Variants in ASXL1 observed in about 807,000 individuals in gnomAD.
ASXL1 encodes the protein ASXL transcriptional regulator 1, also known as polycomb group protein ASXL1.
In ASXL1, 65 loss-of-function variants were observed where a neutral mutation model predicts 89.1. The ratio of observed to expected loss-of-function variants is 0.73; its 90% confidence interval spans 0.60 to 0.90. ASXL1 has a LOEUF of 0.90. Ranked by LOEUF, ASXL1 falls within the 40% of genes least tolerant of loss-of-function variation. The pLI is 0.00. For synonymous variants in ASXL1, 739 were observed against 746.9 expected (o/e 0.99, Z 0.17); for missense variants, 1,786 against 1,942.9 (o/e 0.92, Z 1.52).
rs557903838 is a variant in ASXL1 at position 32,383,878 on chromosome 20, G to T, written c.252+14755G>T. Among the ~76,000 whole-genome samples the T allele has an allele frequency of 2.6e-5, 4 of 152,144 alleles. No individual in the cohort carries two copies. In the East Asian group the frequency reaches 5.8e-4, roughly 22 times the overall value. On this transcript the variant is annotated intron_variant, in intron 4 of 12. Coordinates refer to ENST00000375687, the MANE Select transcript of ASXL1 (RefSeq NM_015338.6). ...TGAGGGCTCAGTTTCTCCATCTCTC[G>T]TGGGCTCCACCATCACTGTCTGACA...
At position 32,429,305 on chromosome 20, in the gene ASXL1, T is replaced by C. The variant is rs769401947; in HGVS notation, c.472-33T>C. 6.2e-7 allele frequency: 1 copy of C among 1,605,772 alleles called. No homozygotes were observed. Among genetic ancestry groups the C allele is most frequent in the South Asian group, 1.1e-5 (1 of 90,604 alleles). On this transcript the variant is annotated intron_variant, in intron 6 of 12. Transcript: ENST00000375687. The surrounding 1 kb of genome is among the most constrained non-coding windows in gnomAD (Gnocchi z 4.9). ...ATGCTTTTGTGGCTCTGCAGTTGACTTGGGCTCTCTTTTGTTCTCTCTTGG... is the reference window on the plus strand; with the variant it reads ...ATGCTTTTGTGGCTCTGCAGTTGACCTGGGCTCTCTTTTGTTCTCTCTTGG...
In ASXL1 at chr20:32,399,745, C is replaced by CTATTTTTTTTTTTTTTTTTTTTTT. The variant is rs1600525633; in HGVS notation, c.253-28382_253-28381insATTTTTTTTTTTTTTTTTTTTTTT. Among the ~76,000 whole-genome samples, 6 of 66,614 alleles carry CTATTTTTTTTTTTTTTTTTTTTTT rather than the reference C, an allele frequency of 9.0e-5. 2 individuals carry two copies. The highest frequency in any genetic ancestry group is 8.9e-5 in the Non-Finnish European group (3 of 33,826). The allele number at this position is 66,614 out of a possible 152,430, so 43.7% of individuals were successfully genotyped here. ...ATTTTTAAAAATCTCACATATTTTA[C>CTATTTTTTTTTTTTTTTTTTTTTT]TCTTTTTTTTTTTTTTTTTTTTTTT... On this transcript the variant is annotated intron_variant, in intron 4 of 12. Transcript: ENST00000375687.
intron 4 of ASXL1, among the ~76,000 whole-genome samples, chr20:32,408,354 C>A (rs978732310): frequency 1.3e-5 from 2 of 152,066 alleles, no homozygotes; most frequent in Non-Finnish European, 2.9e-5. Context: ...AGCTTTGGTG[C>A]CTTTGTCAAA....
chr20:32,428,520 G>C (rs2011403223), intron 6 of ASXL1, 98 bp downstream of exon 6: 1 of 1,185,222 alleles, frequency 8.4e-7, no homozygotes, highest in Non-Finnish European at 1.3e-6. Context: ...CATGTTCAGA[G>C]AGTGAAGAAT....
chr20:32,389,394 A>C (rs988091501), intron 4 of ASXL1, among the ~76,000 whole-genome samples: 4 of 152,100 alleles, frequency 2.6e-5, no homozygotes, highest in Non-Finnish European at 5.9e-5. Context: ...TCTTGCTGTA[A>C]CAAACAGCTG....
Position 32,434,769 on chromosome 20 carries a change from AGT to A in ASXL1, c.2060_2061del (p.Cys687TyrfsTer30), listed in dbSNP as rs780146542. ...AGGGGAGGCCCGAGCACCCCTGGAA[AGT>A]GTACGTCAGATCTACAGCGAACACA... On this transcript the variant is annotated frameshift_variant, in exon 13 of 13. Coordinates refer to ENST00000375687, the MANE Select transcript of ASXL1 (RefSeq NM_015338.6). LOFTEE classifies it low-confidence loss of function (END_TRUNC). 7 of 1,613,674 alleles carry A rather than the reference AGT, an allele frequency of 4.3e-6. No individual in the cohort carries two copies. Among genetic ancestry groups the A allele is most frequent in the Non-Finnish European group, 5.1e-6 (6 of 1,180,012 alleles).
intron 4 of ASXL1, among the ~76,000 whole-genome samples, chr20:32,426,551 T>TTTTTTTTTA (rs2011302589): frequency 9.2e-6 from 1 of 108,998 alleles, no homozygotes; most frequent in Non-Finnish European, 2.0e-5. Flanking sequence ...CTTTTTTTTC[T>TTTTTTTTTA]TTCTTTTTTT....
intron 4 of ASXL1, among the ~76,000 whole-genome samples, chr20:32,407,091 C>T (rs2048967946): frequency 6.6e-6 from 1 of 152,100 alleles, no homozygotes; most frequent in Non-Finnish European, 1.5e-5. Flanking sequence ...CATGTAATCC[C>T]AGCACTTTGG....
intron 4 of ASXL1, among the ~76,000 whole-genome samples, chr20:32,400,432 G>A (rs144234647): frequency 8.1e-4 from 124 of 152,238 alleles, no homozygotes; most frequent in African/African-American, 2.8e-3. Context: ...AGCTGGGAAC[G>A]GTGTAGTAGT....
At chr20:32,408,370 G>C (rs2048990400) in intron 4 of ASXL1, among the ~76,000 whole-genome samples, 1 of 152,120 alleles carries the variant, frequency 6.6e-6, no homozygotes, top group Admixed American at 6.5e-5. Context: ...TCAAAAATCA[G>C]TTGAGTCCAT....
In ASXL1 at chr20:32,436,587, G is replaced by T. The variant is rs1237413045; in HGVS notation, c.3875G>T (p.Gly1292Val). The T allele has an allele frequency of 6.2e-7, 1 of 1,614,206 alleles. No individual in the cohort carries two copies. The highest frequency in any genetic ancestry group is 1.1e-5 in the South Asian group (1 of 91,084). ...CCAGAGCAGACAGGTCGGGCCCTGG[G>T]TGATCAGAGCAATGTTACAGGCCAA... ...FGPEQTGRAL[G>V]DQSNVTGQGK... Residue 1292 changes from glycine to valine, a missense_variant, in exon 13 of 13, where the codon GGT becomes GTT. Around this residue, in one of 3 missense-constraint regions of ASXL1, gnomAD observed 1,418 missense variants for 1,427.8 expected, o/e 0.99. Coordinates refer to ENST00000375687, the MANE Select transcript of ASXL1 (RefSeq NM_015338.6).
chr20:32,430,228 C>A, intron 8 of ASXL1, 175 bp downstream of exon 8: 1 of 893,936 alleles, frequency 1.1e-6, no homozygotes, highest in Non-Finnish European at 1.6e-6. Flanking sequence ...TAGCTCTCTG[C>A]TAAACTGTGA....
chr20:32,401,204 A>G (rs2048865598), intron 4 of ASXL1, among the ~76,000 whole-genome samples: 1 of 152,230 alleles, frequency 6.6e-6, no homozygotes, highest in Non-Finnish European at 1.5e-5. Flanking sequence ...GGCATGGTTA[A>G]TATACAGTTC....
intron 4 of ASXL1, chr20:32,427,697 G>A: frequency 4.0e-6 from 1 of 251,560 alleles, no homozygotes; most frequent in Non-Finnish European, 7.8e-6. Flanking sequence ...TCACCTCCAT[G>A]CCGTCTTTCG....
At chr20:32,416,753 A>G (rs1014702085) in intron 4 of ASXL1, among the ~76,000 whole-genome samples, 1 of 152,156 alleles carries the variant, frequency 6.6e-6, no homozygotes, top group African/African-American at 2.4e-5. Context: ...AGTGACTTGG[A>G]GGCTCTTTCT....
Position 32,422,081 on chromosome 20 carries a change from G to A in ASXL1, c.253-6047G>A, listed in dbSNP as rs572514443. ...TTTTTAGTAGAGACGGGGTTTCACC[G>A]TGTTAGCCAGGATGGTCTCGATCTC... is the stretch of plus-strand genomic sequence containing the variant. On this transcript the variant is annotated intron_variant, in intron 4 of 12. Transcript: ENST00000375687. 1.8e-3 allele frequency among the ~76,000 whole-genome samples: 269 copies of A among 146,240 alleles called. 3 individuals carry two copies. The South Asian group carries it at 0.022, about 12-fold the overall frequency.
Position 32,435,210 on chromosome 20 carries a change from G to A in ASXL1, c.2498G>A (p.Ser833Asn), listed in dbSNP as rs765560488. 6.2e-7 allele frequency: 1 copy of A among 1,613,986 alleles called. No homozygotes were observed. Among genetic ancestry groups the A allele is most frequent in the Non-Finnish European group, 8.5e-7 (1 of 1,180,016 alleles). Residue 833 changes from serine (S) to asparagine (N), a missense_variant, in exon 13 of 13, where the codon AGT becomes AAT. This residue lies in a region of ASXL1 where 1,418 missense variants were observed against 1,427.8 expected (regional missense o/e 0.99). Coordinates refer to ENST00000375687, the MANE Select transcript of ASXL1 (RefSeq NM_015338.6). ...LEKGTGQALD[S>N]HPTMKDPVNV... is the part of the protein sequence containing the mutation. ...AAAGGAACTGGCCAAGCTCTTGACAGTCATCCCACTATGAAGGATCCTGTA... is the reference window on the plus strand; with the variant it reads ...AAAGGAACTGGCCAAGCTCTTGACAATCATCCCACTATGAAGGATCCTGTA...
intron 4 of ASXL1, among the ~76,000 whole-genome samples, chr20:32,384,209 T>TG (rs1569263882): frequency 7.2e-6 from 1 of 139,040 alleles, no homozygotes; most frequent in African/African-American, 2.9e-5. Context: ...TTTTTTTTTT[T>TG]TTTTTTTTTT....
intron 4 of ASXL1, chr20:32,372,429 T>C (rs2048313531): frequency 9.2e-7 from 1 of 1,088,188 alleles, no homozygotes; most frequent in Non-Finnish European, 1.1e-6. Flanking sequence ...AATGGATTAA[T>C]GGTTTGCTTG....
Sources: allele counts gnomAD v4.1 joint callset (sites outside exome capture counted in the v4.1 genomes callset), GRCh38; gene constraint gnomAD v4.1.1; regional missense constraint gnomAD v4.1.1; non-coding constraint Gnocchi (gnomAD v3.1); transcripts MANE v1.5; gene names NCBI Gene and HGNC (gene_info 2026-07-23, HGNC 2026-07-21).